PLCXD3: variants seen among roughly 807,000 people sequenced by gnomAD.
PLCXD3 encodes the protein phosphatidylinositol specific phospholipase C X domain containing 3.
In PLCXD3, 19 loss-of-function variants were observed where a neutral mutation model predicts 25.5. That is an observed-to-expected ratio of 0.75 (90% CI 0.52 to 1.09). PLCXD3 has a LOEUF of 1.09. PLCXD3 is among the 50% of genes least tolerant of loss of function. The pLI is 0.00. For synonymous variants in PLCXD3, 174 were observed against 137.6 expected (o/e 1.26, Z -1.85); for missense variants, 411 against 388.1 (o/e 1.06, Z -0.50).
chr5:41,398,147 C>A (rs1746067080), intron 1 of PLCXD3, among the ~76,000 whole-genome samples: 1 of 152,104 alleles, frequency 6.6e-6, no homozygotes. Flanking sequence ...GGATCAGAAG[C>A]AGTATAATAT....
chr5:41,484,809 A>G (rs1256638138), intron 1 of PLCXD3, among the ~76,000 whole-genome samples: 2 of 152,180 alleles, frequency 1.3e-5, no homozygotes, highest in African/African-American at 4.8e-5. Flanking sequence ...TTCTTAATCC[A>G]ATAGCCTTGG....
intron 1 of PLCXD3, among the ~76,000 whole-genome samples, chr5:41,386,281 C>T (rs909265895): frequency 5.3e-5 from 8 of 152,064 alleles, no homozygotes; most frequent in South Asian, 4.1e-4. Context: ...CACAAATGGA[C>T]TTTCTTTTTT....
chr5:41,502,785 G>A (rs181141362), intron 1 of PLCXD3, among the ~76,000 whole-genome samples: 6 of 152,230 alleles, frequency 3.9e-5, no homozygotes, highest in Admixed American at 1.3e-4. Flanking sequence ...TTCCAGGTAC[G>A]TAGGACAGAA....
chr5:41,475,878 CA>C (rs1297865197), intron 1 of PLCXD3, among the ~76,000 whole-genome samples: 1 of 152,124 alleles, frequency 6.6e-6, no homozygotes, highest in Non-Finnish European at 1.5e-5. Flanking sequence ...AGGAAGGGTC[CA>C]GGGGAAGGAA....
intron 1 of PLCXD3, among the ~76,000 whole-genome samples, chr5:41,492,566 G>T (rs1478590842): frequency 6.6e-6 from 1 of 152,176 alleles, no homozygotes; most frequent in South Asian, 2.1e-4. Context: ...TCACTTTCAG[G>T]TACACCAATC....
At chr5:41,327,464 T>C (rs537064849) in intron 2 of PLCXD3, among the ~76,000 whole-genome samples, 1 of 152,358 alleles carries the variant, frequency 6.6e-6, no homozygotes, top group African/African-American at 2.4e-5. Flanking sequence ...TGTATTTTCT[T>C]CACCTATAAA....
At chr5:41,503,371 T>C (rs1748993608) in intron 1 of PLCXD3, among the ~76,000 whole-genome samples, 1 of 152,214 alleles carries the variant, frequency 6.6e-6, no homozygotes, top group Non-Finnish European at 1.5e-5. Context: ...AATAATTCTA[T>C]GTAAAACATA....
Position 41,312,104 on chromosome 5 carries a change from T to A in PLCXD3, c.*1513A>T, listed in dbSNP as rs1229403603. ...TATTGTGCTCTAAGTTTTTTTTTTT[T>A]ATTTTTTAGAGTTGTCAAATATCAC... On this transcript the variant is annotated 3_prime_UTR_variant, in exon 3 of 3. Coordinates refer to ENST00000377801, the MANE Select transcript of PLCXD3 (RefSeq NM_001005473.3). 5.2e-5 allele frequency: 8 copies of A among 152,448 alleles called. No individual in the cohort carries two copies. The highest frequency in any genetic ancestry group is 1.3e-4 in the Admixed American group (2 of 15,248). 9.4% of individuals were successfully genotyped at this position (152,448 alleles called of 1,614,324 possible).
intron 2 of PLCXD3, among the ~76,000 whole-genome samples, chr5:41,362,116 G>C (rs951903791): frequency 6.6e-6 from 1 of 152,126 alleles, no homozygotes; most frequent in Non-Finnish European, 1.5e-5. Context: ...CCATTTTTAC[G>C]TGTAAAAAGC....
chr5:41,334,132 G>A (rs774229761), intron 2 of PLCXD3, among the ~76,000 whole-genome samples: 19 of 152,172 alleles, frequency 1.2e-4, no homozygotes, highest in Non-Finnish European at 2.4e-4. Flanking sequence ...CTGAATTGAT[G>A]TTAAAAATTT....
At chr5:41,361,009 G>T (rs1258853050) in intron 2 of PLCXD3, among the ~76,000 whole-genome samples, 1 of 152,082 alleles carries the variant, frequency 6.6e-6, no homozygotes, top group Non-Finnish European at 1.5e-5. Context: ...GGCAGGTAGA[G>T]AAAGACTACC....
intron 2 of PLCXD3, among the ~76,000 whole-genome samples, chr5:41,362,720 T>C (rs1005809514): frequency 2.6e-5 from 4 of 152,228 alleles, no homozygotes; most frequent in Admixed American, 2.6e-4. Context: ...TTTCGCTTTT[T>C]ACTGCTTGCT....
rs73077920 is a variant in PLCXD3, at chr5:41,379,502, A to G, written c.812+2324T>C. Among the ~76,000 whole-genome samples, 1,471 of 152,152 alleles carry G rather than the reference A, an allele frequency of 9.7e-3. 28 individuals are homozygous for G. Among genetic ancestry groups the G allele is most frequent in the African/African-American group, 0.034 (1,401 of 41,518 alleles). On this transcript the variant is annotated intron_variant, in intron 2 of 2. Transcript: ENST00000377801. ...TTAATCTAGTTACACAATCATCTAG[A>G]ACGTTGGGTCTCAAAGGCAATTGAA...
At chr5:41,447,422 A>T (rs1235285688) in intron 1 of PLCXD3, among the ~76,000 whole-genome samples, 1 of 152,196 alleles carries the variant, frequency 6.6e-6, no homozygotes, top group Non-Finnish European at 1.5e-5. Context: ...TTTTCATGTT[A>T]TTTTCAATAT....
intron 2 of PLCXD3, among the ~76,000 whole-genome samples, chr5:41,333,055 T>C (rs1187822367): frequency 6.6e-6 from 1 of 152,086 alleles, no homozygotes; most frequent in East Asian, 1.9e-4. Context: ...GTAACTAACC[T>C]GCACATTGTG....
Position 41,311,378 on chromosome 5 carries a change from T to C in PLCXD3, c.*2239A>G, listed in dbSNP as rs530257571. On this transcript the variant is annotated 3_prime_UTR_variant, in exon 3 of 3. Transcript: ENST00000377801. ...ATAATTAAGTCCTACACTAGAATTC[T>C]TTTACAAAAATACTTTGATGTGATC... 45 of 151,550 alleles carry C rather than the reference T, an allele frequency of 3.0e-4. No homozygotes were observed. The highest frequency in any genetic ancestry group is 1.1e-3 in the African/African-American group (43 of 40,924). 9.4% of individuals were successfully genotyped at this position (151,550 alleles called of 1,614,324 possible).
At chr5:41,435,649 C>T (rs1166454083) in intron 1 of PLCXD3, among the ~76,000 whole-genome samples, 1 of 152,140 alleles carries the variant, frequency 6.6e-6, no homozygotes, top group African/African-American at 2.4e-5. Flanking sequence ...GGTGGAGAAG[C>T]CATGGTGGAT....
intron 1 of PLCXD3, among the ~76,000 whole-genome samples, chr5:41,497,084 A>G (rs542288646): frequency 5.3e-5 from 8 of 151,934 alleles, no homozygotes; most frequent in Admixed American, 4.6e-4. Flanking sequence ...AAGAAGAAAA[A>G]AAAATCAGAG....
intron 1 of PLCXD3, among the ~76,000 whole-genome samples, chr5:41,431,125 G>A (rs530230843): frequency 2.6e-5 from 4 of 152,132 alleles, no homozygotes; most frequent in Non-Finnish European, 5.9e-5. Flanking sequence ...CCAATTTTCT[G>A]GGCTGACCTC....
Sources: allele counts gnomAD v4.1 joint callset (sites outside exome capture counted in the v4.1 genomes callset), GRCh38; gene constraint gnomAD v4.1.1; transcripts MANE v1.5; gene names NCBI Gene and HGNC (gene_info 2026-07-23, HGNC 2026-07-21).